The following HYDIN variants were observed in gnomAD, a reference collection of about 807,000 sequenced individuals.
HYDIN encodes HYDIN axonemal central pair apparatus protein, also known as axonemal central pair apparatus protein HYDIN.
A neutral mutation model predicts 403.9 loss-of-function variants in HYDIN; 132 were observed. The ratio of observed to expected loss-of-function variants is 0.33; its 90% CI spans 0.28 to 0.38. The LOEUF is 0.38. Ranked by LOEUF, HYDIN falls within the 10% of genes least tolerant of loss-of-function variation. The pLI is 1.00. For synonymous variants in HYDIN, 1,202 were observed against 1,891.7 expected, an observed-to-expected ratio of 0.64 and a Z score of 9.46; for missense variants, 2,827 against 5,009.5, an observed-to-expected ratio of 0.56 and a Z score of 13.15.
chr16:70,907,620 T>G (rs1798486), intron 49 of HYDIN, 129 bp from the exon 50 acceptor site: 1 of 425,820 alleles, frequency 2.3e-6, no homozygotes, highest in Non-Finnish European at 4.3e-6. Flanking sequence ...ACAGAGTGAC[T>G]CTTCTTTGTC....
chr16:71,218,614 A>G (rs1038791404), intron 1 of HYDIN, among the ~76,000 whole-genome samples: 4 of 152,254 alleles, frequency 2.6e-5, no homozygotes, highest in Admixed American at 1.3e-4. Flanking sequence ...CAGTTTTAAC[A>G]TAACAAGCCA....
chr16:70,840,878 A>G (rs2037772366), intron 75 of HYDIN, among the ~76,000 whole-genome samples: 1 of 152,010 alleles, frequency 6.6e-6, no homozygotes, highest in South Asian at 2.1e-4. Context: ...TGGACTCTCA[A>G]TCACAAGGTA....
chr16:71,030,884 A>T (rs1463582199), intron 19 of HYDIN, among the ~76,000 whole-genome samples: 1 of 152,062 alleles, frequency 6.6e-6, no homozygotes, highest in East Asian at 1.9e-4. Flanking sequence ...TATGGGAGTC[A>T]AGTAGAGGAC....
At chr16:70,916,985 G>A (rs922506923) in intron 47 of HYDIN, among the ~76,000 whole-genome samples, 4 of 151,916 alleles carry the variant, frequency 2.6e-5, no homozygotes, top group African/African-American at 9.7e-5. Flanking sequence ...GTGCAGTGGT[G>A]TCATCTCAAC....
intron 1 of HYDIN, among the ~76,000 whole-genome samples, chr16:71,204,929 T>G (rs1345017379): frequency 6.6e-6 from 1 of 152,010 alleles, no homozygotes; most frequent in Non-Finnish European, 1.5e-5. Context: ...TGAAAAGCTA[T>G]AGGTGAAAAA....
intron 42 of HYDIN, among the ~76,000 whole-genome samples, chr16:70,942,468 T>A (rs968080372): frequency 3.3e-5 from 5 of 151,992 alleles, no homozygotes; most frequent in African/African-American, 1.2e-4. Context: ...AAGCACAGAG[T>A]CACAGGCAGC....
At chr16:71,224,475 A>T (rs2040939146) in intron 1 of HYDIN, among the ~76,000 whole-genome samples, 1 of 152,208 alleles carries the variant, frequency 6.6e-6, no homozygotes, top group African/African-American at 2.4e-5. Context: ...CTCAATTTGC[A>T]AATTGTTCTT....
chr16:71,177,088 G>C (rs2086698714), intron 4 of HYDIN, among the ~76,000 whole-genome samples: 1 of 152,176 alleles, frequency 6.6e-6, no homozygotes, highest in Non-Finnish European at 1.5e-5. Flanking sequence ...GCGTTCCTAG[G>C]ATGGGACCCT....
At chr16:71,203,703 T>C (rs1399262500) in intron 1 of HYDIN, 1 of 455,608 alleles carries the variant, frequency 2.2e-6, no homozygotes, top group Non-Finnish European at 4.4e-6. Flanking sequence ...GAATCTCACA[T>C]TTGAATATGA....
chr16:70,901,260 T>G, intron 52 of HYDIN, 58 bp from the exon 53 acceptor site: 2 of 1,443,130 alleles, frequency 1.4e-6, no homozygotes, highest in South Asian at 2.4e-5. Context: ...TTCATGTGTT[T>G]TTTTTTTAAC....
intron 1 of HYDIN, among the ~76,000 whole-genome samples, chr16:71,209,799 C>CA (rs1214248515): frequency 1.3e-5 from 2 of 151,832 alleles, no homozygotes; most frequent in African/African-American, 4.8e-5. Flanking sequence ...ACCACAAAAA[C>CA]AAAAAAATAC....
chr16:70,861,093 G>C (rs1057208696), intron 69 of HYDIN, among the ~76,000 whole-genome samples, 192 bp from the exon 70 acceptor site: 14 of 151,602 alleles, frequency 9.2e-5, no homozygotes, highest in African/African-American at 3.4e-4. Context: ...CCTGAATTTG[G>C]CTCCTTCTGT....
chr16:70,867,679 A>G (rs918981186), intron 66 of HYDIN, among the ~76,000 whole-genome samples: 8 of 146,234 alleles, frequency 5.5e-5, no homozygotes, highest in African/African-American at 2.1e-4. Context: ...TATATGTTTT[A>G]TTTTTATTTT....
At chr16:70,953,539 T>A (rs1228659698) in intron 40 of HYDIN, among the ~76,000 whole-genome samples, 1 of 152,166 alleles carries the variant, frequency 6.6e-6, no homozygotes, top group African/African-American at 2.4e-5. Context: ...CTGGCTCTGC[T>A]GTCTCTACTT....
At chr16:71,030,882 T>C (rs1368397492) in intron 19 of HYDIN, among the ~76,000 whole-genome samples, 1 of 151,558 alleles carries the variant, frequency 6.6e-6, no homozygotes, top group Non-Finnish European at 1.5e-5. Context: ...ACTATGGGAG[T>C]CAAGTAGAGG....
intron 9 of HYDIN, among the ~76,000 whole-genome samples, chr16:71,124,276 T>C (rs1052379340): frequency 6.6e-6 from 1 of 152,252 alleles, no homozygotes; most frequent in African/African-American, 2.4e-5. Flanking sequence ...GGCCACATGG[T>C]TGGCAGGTGG....
rs1466713376 is a variant in HYDIN at position 70,805,978 on chromosome 16, C to CTAG, written c.*1599_*1601dup. ...CTCAGGATGTGAATCATCCCCTCGT[C>CTAG]TAGCGTATGCATGCTGTAGACACAA... is the stretch of plus-strand genomic sequence containing the variant. On this transcript the variant is annotated 3_prime_UTR_variant, in exon 86 of 86. Transcript: ENST00000393567. 3.3e-5 allele frequency among the ~76,000 whole-genome samples: 5 copies of CTAG among 152,210 alleles called. No homozygotes were observed. The highest frequency in any genetic ancestry group is 7.3e-5 in the Non-Finnish European group (5 of 68,036).
At chr16:70,993,493 G>C (rs1317814837) in intron 23 of HYDIN, among the ~76,000 whole-genome samples, 1 of 152,144 alleles carries the variant, frequency 6.6e-6, no homozygotes, top group South Asian at 2.1e-4. Flanking sequence ...TTTGAGATTT[G>C]TCCATGTTTT....
In HYDIN at chr16:70,874,908, G is replaced by A. The variant is rs764138830; in HGVS notation, c.10569C>T (p.Asp3523=). The A allele has an allele frequency of 5.0e-6, 8 of 1,603,438 alleles. No homozygotes were observed. The African/African-American group carries it at 5.4e-5, about 11-fold the overall frequency. Residue 3523 remains aspartate, a synonymous_variant, in exon 63 of 86, where the codon GAC becomes GAT. Coordinates refer to ENST00000393567, the MANE Select transcript of HYDIN (RefSeq NM_001270974.2). ...NGVLPAQLHV[D]LQDELGVFSL... ...AGAAGACTCCTAGCTCATCCTGCAGGTCAACATGCAGCTGGCAGAAGGAAA... is the reference window on the plus strand; with the variant it reads ...AGAAGACTCCTAGCTCATCCTGCAGATCAACATGCAGCTGGCAGAAGGAAA...
Sources: allele counts gnomAD v4.1 joint callset (sites outside exome capture counted in the v4.1 genomes callset), GRCh38; gene constraint gnomAD v4.1.1; transcripts MANE v1.5; gene names NCBI Gene and HGNC (gene_info 2026-07-23, HGNC 2026-07-21).